Variants in MAN1C1 observed in about 807,000 individuals in gnomAD.
MAN1C1 encodes mannosyl-oligosaccharide 1,2-alpha-mannosidase IC.
MAN1C1 carries 49 observed loss-of-function variants against 71.5 expected under a neutral mutation model. That is an observed-to-expected ratio of 0.69 (90% CI 0.54 to 0.87). The LOEUF (loss-of-function observed/expected upper bound fraction) is 0.87, where lower values mean the gene tolerates loss of function less well. Ranked by LOEUF, MAN1C1 falls within the 40% of genes least tolerant of loss-of-function variation. The pLI is 0.00. For missense variants in MAN1C1, 743 were observed against 835.0 expected, an observed-to-expected ratio of 0.89 and a Z score of 1.36; for synonymous variants, 352 against 343.7, an observed-to-expected ratio of 1.02 and a Z score of -0.27.
At chr1:25,635,440 T>TTC (rs1326732069) in intron 1 of MAN1C1, among the ~76,000 whole-genome samples, 1 of 128,768 alleles carries the variant, frequency 7.8e-6, no homozygotes, top group African/African-American at 3.9e-5. Context: ...CTTTCTTTCT[T>TTC]TTTTTTTTTT....
chr1:25,652,237 C>T lies in MAN1C1; in HGVS notation c.540+33900C>T, dbSNP rs1191392626. Among the ~76,000 whole-genome samples, 8 of 152,194 alleles carry T rather than the reference C, an allele frequency of 5.3e-5. No individual in the cohort carries two copies. The South Asian group carries it at 8.3e-4, about 16-fold the overall frequency. On this transcript the variant is annotated intron_variant, in intron 1 of 11. Coordinates refer to ENST00000374332, the MANE Select transcript of MAN1C1 (RefSeq NM_020379.4). The stretch of plus-strand genomic sequence containing the variant: ...CCTGTGTAGCTCCTGGAAGAGGCCT[C>T]CCTGACCAGAGGTCCAGGAAGCAGG...
At chr1:25,629,742 T>TA (rs1491256103) in intron 1 of MAN1C1, among the ~76,000 whole-genome samples, 2 of 122,232 alleles carry the variant, frequency 1.6e-5, no homozygotes, top group African/African-American at 8.3e-5. Flanking sequence ...TTTTAATTGA[T>TA]TTTTTTTTTT....
At chr1:25,679,724 A>G (rs1050622264) in intron 1 of MAN1C1, among the ~76,000 whole-genome samples, 1 of 151,940 alleles carries the variant, frequency 6.6e-6, no homozygotes, top group Non-Finnish European at 1.5e-5. Context: ...TATCATATAT[A>G]TGCACACTGT....
At position 25,779,341 on chromosome 1, in the gene MAN1C1, T is replaced by A. The variant is rs2047662728; in HGVS notation, c.1477+1017T>A. Among the ~76,000 whole-genome samples the A allele has an allele frequency of 6.6e-6, 1 of 152,180 alleles. No homozygotes were observed. The highest frequency in any genetic ancestry group is 2.1e-4 in the South Asian group (1 of 4,824). ...GCACAGGGTCCCATGAGAAAGTACC[T>A]TGGCAGCCACCTTTGGCCAGCAGCA... On this transcript the variant is annotated intron_variant, in intron 9 of 11. Coordinates refer to ENST00000374332, the MANE Select transcript of MAN1C1 (RefSeq NM_020379.4). The surrounding 1 kb of genome is among the most constrained non-coding windows in gnomAD (Gnocchi z 4.6).
intron 2 of MAN1C1, among the ~76,000 whole-genome samples, chr1:25,738,784 G>T (rs959520077): frequency 6.6e-6 from 1 of 152,130 alleles, no homozygotes; most frequent in Admixed American, 6.5e-5. Context: ...GCTATCTTGG[G>T]CTTCCTTACA....
chr1:25,640,636 C>A (rs2045523961), intron 1 of MAN1C1, among the ~76,000 whole-genome samples: 1 of 151,958 alleles, frequency 6.6e-6, no homozygotes, highest in Non-Finnish European at 1.5e-5. Flanking sequence ...ATAAGGAAAC[C>A]CTTTGTAGAG....
chr1:25,661,742 C>G (rs138422021), intron 1 of MAN1C1, among the ~76,000 whole-genome samples: 332 of 152,320 alleles, frequency 2.2e-3, no homozygotes, highest in African/African-American at 7.6e-3. Context: ...TAATTGTTCT[C>G]AGTGCTGTGT....
chr1:25,648,769 T>G (rs1243661304), intron 1 of MAN1C1, among the ~76,000 whole-genome samples: 1 of 152,244 alleles, frequency 6.6e-6, no homozygotes, highest in African/African-American at 2.4e-5. Flanking sequence ...TCTATTTCTC[T>G]TACACATTCA....
chr1:25,739,097 C>T (rs2047022072), intron 2 of MAN1C1, among the ~76,000 whole-genome samples: 1 of 152,154 alleles, frequency 6.6e-6, no homozygotes, highest in Non-Finnish European at 1.5e-5. Context: ...CACACCACTG[C>T]ACTCCAGCCT....
intron 2 of MAN1C1, among the ~76,000 whole-genome samples, chr1:25,740,000 C>T (rs807268): frequency 0.067 from 10,270 of 152,160 alleles, 436 homozygotes; most frequent in African/African-American, 0.12. Flanking sequence ...TAAATACTTA[C>T]GGGCCCCCGT....
At chr1:25,648,938 A>T (rs3754158) in intron 1 of MAN1C1, among the ~76,000 whole-genome samples, 26,553 of 152,168 alleles carry the variant, frequency 0.17, 5,819 homozygotes, top group African/African-American at 0.5. Flanking sequence ...CTTGGCTAAT[A>T]GTCATCACAC....
At chr1:25,738,938 G>A (rs1272721346) in intron 2 of MAN1C1, among the ~76,000 whole-genome samples, 1 of 152,100 alleles carries the variant, frequency 6.6e-6, no homozygotes, top group African/African-American at 2.4e-5. Context: ...GAGATGGGAG[G>A]ATCGCTTGAG....
intron 1 of MAN1C1, among the ~76,000 whole-genome samples, chr1:25,641,568 T>TA (rs1238677054): frequency 6.6e-6 from 1 of 152,254 alleles, no homozygotes; most frequent in African/African-American, 2.4e-5. Context: ...GGCATTTTAG[T>TA]AAATACTGAT....
chr1:25,762,874 A>G (rs973741370), intron 6 of MAN1C1, among the ~76,000 whole-genome samples: 3 of 152,218 alleles, frequency 2.0e-5, no homozygotes, highest in Admixed American at 6.5e-5. Context: ...TATATACCCA[A>G]TAGTGGGATT....
chr1:25,713,899 G>A (rs1275563990), intron 2 of MAN1C1, among the ~76,000 whole-genome samples: 2 of 152,170 alleles, frequency 1.3e-5, no homozygotes, highest in Non-Finnish European at 2.9e-5. Flanking sequence ...GCAAGTGACT[G>A]GAGCTTCCGA....
At chr1:25,650,260 A>T (rs2045673177) in intron 1 of MAN1C1, among the ~76,000 whole-genome samples, 1 of 151,140 alleles carries the variant, frequency 6.6e-6, no homozygotes, top group Admixed American at 6.6e-5. Flanking sequence ...CCCAGTGTTT[A>T]TTTCTCTGGC....
chr1:25,705,194 GTTCCACTACC>G (rs2046504119), intron 2 of MAN1C1, among the ~76,000 whole-genome samples: 1 of 152,174 alleles, frequency 6.6e-6, no homozygotes, highest in Admixed American at 6.5e-5. Flanking sequence ...AGTTGCTGAA[GTTCCACTACC>G]GTGTATCCCT....
At chr1:25,662,135 G>A (rs576277431) in intron 1 of MAN1C1, among the ~76,000 whole-genome samples, 2 of 152,302 alleles carry the variant, frequency 1.3e-5, no homozygotes, top group South Asian at 4.1e-4. Flanking sequence ...CTGTTTTTGT[G>A]TTTGATTGAT....
intron 1 of MAN1C1, among the ~76,000 whole-genome samples, chr1:25,674,338 C>CT (rs947819541): frequency 9.9e-5 from 15 of 152,180 alleles, no homozygotes; most frequent in Admixed American, 9.2e-4. Context: ...TGTCACCATC[C>CT]TTAGTCATTT....
Sources: allele counts gnomAD v4.1 joint callset (sites outside exome capture counted in the v4.1 genomes callset), GRCh38; gene constraint gnomAD v4.1.1; non-coding constraint Gnocchi (gnomAD v3.1); transcripts MANE v1.5; gene names NCBI Gene and HGNC (gene_info 2026-07-23, HGNC 2026-07-21).